UBE2L3: variants seen among roughly 807,000 people sequenced by gnomAD.
The protein encoded by UBE2L3 is ubiquitin-conjugating enzyme E2 L3.
UBE2L3 carries 1 observed loss-of-function variant against 17.8 expected under a neutral mutation model. The observed-to-expected ratio is 0.06, with a 90% CI of 0.02 to 0.27. The LOEUF (loss-of-function observed/expected upper bound fraction) is 0.27. Among genes scored for constraint, UBE2L3 ranks in the 10% least tolerant of loss-of-function variants. The pLI is 1.00. For missense variants in UBE2L3, 40 were observed against 192.6 expected (o/e 0.21, Z 4.69); for synonymous variants, 44 against 68.5 (o/e 0.64, Z 1.76).
intron 2 of UBE2L3, among the ~76,000 whole-genome samples, chr22:21,603,085 A>AT (rs1244552310): frequency 1.3e-5 from 2 of 152,132 alleles, no homozygotes; most frequent in Admixed American, 6.6e-5. Flanking sequence ...CTTTGGTCAA[A>AT]TTTTTTTAAA....
At chr22:21,600,940 A>T (rs1284980966) in intron 2 of UBE2L3, among the ~76,000 whole-genome samples, 1 of 151,856 alleles carries the variant, frequency 6.6e-6, no homozygotes, top group Non-Finnish European at 1.5e-5. Flanking sequence ...GGGGCTGAGG[A>T]GGGTGGATCA....
At chr22:21,559,826 GGGTCAC>G (rs1285954320) in intron 1 of UBE2L3, among the ~76,000 whole-genome samples, 1 of 152,244 alleles carries the variant, frequency 6.6e-6, no homozygotes, top group Admixed American at 6.5e-5. Context: ...CAGAGAGGGA[GGGTCAC>G]CTGGCCAGAC....
intron 2 of UBE2L3, among the ~76,000 whole-genome samples, chr22:21,609,223 T>C (rs1929345698): frequency 6.6e-6 from 1 of 151,956 alleles, no homozygotes; most frequent in African/African-American, 2.4e-5. Context: ...ACTAAACATA[T>C]GTCTTACCAT....
intron 1 of UBE2L3, among the ~76,000 whole-genome samples, chr22:21,588,781 G>A (rs1928092760): frequency 2.0e-5 from 3 of 151,872 alleles, no homozygotes; most frequent in African/African-American, 7.3e-5. Context: ...CTCTGCCTCA[G>A]CCTCCCAAGT....
At chr22:21,621,026 G>C (rs1302294080) in intron 3 of UBE2L3, among the ~76,000 whole-genome samples, 1 of 152,192 alleles carries the variant, frequency 6.6e-6, no homozygotes, top group East Asian at 1.9e-4. Flanking sequence ...AGCCGGGCAT[G>C]GTGGTGCACG....
chr22:21,603,657 CA>C (rs1266331223), intron 2 of UBE2L3, among the ~76,000 whole-genome samples: 1 of 150,020 alleles, frequency 6.7e-6, no homozygotes, highest in Non-Finnish European at 1.5e-5. Context: ...TCCTGGTTAA[CA>C]CGGTGAAACC....
chr22:21,578,962 ATTAT>A (rs201411923), intron 1 of UBE2L3, among the ~76,000 whole-genome samples: 3,979 of 148,032 alleles, frequency 0.027, 119 homozygotes, highest in South Asian at 0.13. Context: ...AGCTAAGTGT[ATTAT>A]TTATTTATTT....
intron 3 of UBE2L3, among the ~76,000 whole-genome samples, chr22:21,615,630 T>C (rs1929730397): frequency 1.3e-5 from 2 of 152,086 alleles, no homozygotes; most frequent in Admixed American, 6.5e-5. Flanking sequence ...TATGATTCCA[T>C]TTGTAGTTGA....
intron 3 of UBE2L3, among the ~76,000 whole-genome samples, chr22:21,614,056 A>G (rs2148445059): frequency 6.6e-6 from 1 of 152,316 alleles, no homozygotes; most frequent in African/African-American, 2.4e-5. Flanking sequence ...TGGGACAGGC[A>G]GGCAAGGTTG....
intron 3 of UBE2L3, among the ~76,000 whole-genome samples, chr22:21,616,582 G>A (rs1177682783): frequency 5.9e-5 from 9 of 151,700 alleles, no homozygotes; most frequent in African/African-American, 1.9e-4. Context: ...AACCCGAGAG[G>A]CGGAGGTTGC....
chr22:21,582,621 G>A (rs192427822), intron 1 of UBE2L3, among the ~76,000 whole-genome samples: 63 of 152,244 alleles, frequency 4.1e-4, no homozygotes, highest in African/African-American at 1.5e-3. Context: ...TGCCTCATGG[G>A]TTCAAGTAAT....
Position 21,611,768 on chromosome 22 carries a change from C to T in UBE2L3, c.310+725C>T, listed in dbSNP as rs185300055. Among the ~76,000 whole-genome samples the T allele has an allele frequency of 3.9e-5, 6 of 152,284 alleles. No homozygotes were observed. The East Asian group carries it at 1.2e-3, about 29-fold the overall frequency. On this transcript the variant is annotated intron_variant, in intron 3 of 3. Coordinates refer to ENST00000342192, the MANE Select transcript of UBE2L3 (RefSeq NM_003347.4). ...GACTGTGTCTGGTTTTCATTTAATT[C>T]TAGACTTTCTTTTGAAGTCCTAATC...
chr22:21,597,775 A>ATTTTTTTTTTT lies in UBE2L3; in HGVS notation c.123+4841_123+4851dup, dbSNP rs35054754. Among the ~76,000 whole-genome samples the ATTTTTTTTTTT allele has an allele frequency of 2.0e-3, 50 of 25,600 alleles. 15 individuals carry two copies. The highest frequency in any genetic ancestry group is 5.6e-3 in the East Asian group (5 of 894). The allele number at this position is 25,600 out of a possible 152,430, so 16.8% of individuals were successfully genotyped here. A position where few individuals can be genotyped will look rare whatever the true frequency, so the allele number is the denominator to read the frequency against. ...GGATCTTTGATCCATTTATATGTAG[A>ATTTTTTTTTTT]TTTTTTTTTTTTTTTTTTTTTTTTT... is the stretch of plus-strand genomic sequence containing the variant. On this transcript the variant is annotated intron_variant, in intron 2 of 3. Transcript: ENST00000342192.
chr22:21,598,428 A>G (rs189252459), intron 2 of UBE2L3, among the ~76,000 whole-genome samples: 1 of 148,310 alleles, frequency 6.7e-6, no homozygotes, highest in African/African-American at 2.5e-5. Flanking sequence ...TTCCCTTGTG[A>G]TTTCTTCTTT....
intron 1 of UBE2L3, among the ~76,000 whole-genome samples, chr22:21,569,395 C>CAAAA (rs541227444): frequency 8.1e-5 from 7 of 86,194 alleles, no homozygotes; most frequent in Non-Finnish European, 9.7e-5. Flanking sequence ...GACTCCATGT[C>CAAAA]AAAAAAAAAA....
chr22:21,563,863 C>T (rs1926540693), upstream of UBE2L3, among the ~76,000 whole-genome samples: 1 of 151,882 alleles, frequency 6.6e-6, no homozygotes, highest in South Asian at 2.1e-4. Flanking sequence ...GTGTGAGCCA[C>T]TGCACCTGGA....
At position 21,621,786 on chromosome 22, in the gene UBE2L3, G is replaced by A. The variant is rs1930047406; in HGVS notation, c.*117G>A. 1.4e-6 allele frequency: 1 copy of A among 733,248 alleles called. No individual in the cohort carries two copies. The highest frequency in any genetic ancestry group is 2.2e-6 in the Non-Finnish European group (1 of 454,732). The allele number at this position is 733,248 out of a possible 1,614,324, so 45.4% of individuals were successfully genotyped here. A position where few individuals can be genotyped will look rare whatever the true frequency, so the allele number is the denominator to read the frequency against. Reference sequence around the variant, plus strand: ...ACGTGCCACCGCCTGGCGTTCGCTTGTGGCAGTTACTAACTTTCTACAGTT... The same window carrying A: ...ACGTGCCACCGCCTGGCGTTCGCTTATGGCAGTTACTAACTTTCTACAGTT... On this transcript the variant is annotated 3_prime_UTR_variant, in exon 4 of 4. Transcript: ENST00000342192.
At chr22:21,574,976 G>T (rs1466040443) in intron 1 of UBE2L3, among the ~76,000 whole-genome samples, 1 of 150,344 alleles carries the variant, frequency 6.7e-6, no homozygotes, top group Non-Finnish European at 1.5e-5. Flanking sequence ...AAAAATGTTG[G>T]CTTGGCGCAG....
chr22:21,598,243 CTTCT>C (rs1928662726), intron 2 of UBE2L3, among the ~76,000 whole-genome samples: 1 of 135,912 alleles, frequency 7.4e-6, no homozygotes, highest in Non-Finnish European at 1.6e-5. Context: ...TTACTATTTA[CTTCT>C]TTCTTGTGTT....
Sources: allele counts gnomAD v4.1 joint callset (sites outside exome capture counted in the v4.1 genomes callset), GRCh38; gene constraint gnomAD v4.1.1; transcripts MANE v1.5; gene names NCBI Gene and HGNC (gene_info 2026-07-23, HGNC 2026-07-21).